NCOA1: variants seen among roughly 807,000 people sequenced by gnomAD.
The protein encoded by NCOA1 is Hin-2 protein.
In NCOA1, 35 loss-of-function variants were observed where a neutral mutation model predicts 150.9. That is an observed-to-expected ratio of 0.23 (90% CI 0.18 to 0.31). The LOEUF (loss-of-function observed/expected upper bound fraction) is 0.31, where lower values mean the gene tolerates loss of function less well. Among genes scored for constraint, NCOA1 ranks in the 10% least tolerant of loss-of-function variants. The pLI, the probability that NCOA1 is intolerant of heterozygous loss-of-function variation, is 1.00. For synonymous variants in NCOA1, 590 were observed against 630.0 expected (o/e 0.94, Z 0.95); for missense variants, 1,491 against 1,749.3 (o/e 0.85, Z 2.63).
intron 17 of NCOA1, among the ~76,000 whole-genome samples, chr2:24,731,464 A>G (rs1663006219): frequency 6.6e-6 from 1 of 152,210 alleles, no homozygotes; most frequent in East Asian, 1.9e-4. Flanking sequence ...GATAAATATT[A>G]GCTATTACTA....
intron 3 of NCOA1, among the ~76,000 whole-genome samples, chr2:24,642,043 C>CGCGT (rs1466622355): frequency 8.8e-4 from 80 of 90,558 alleles, no homozygotes; most frequent in African/African-American, 3.3e-3. Flanking sequence ...TGTGTGCGCG[C>CGCGT]GTGCGTATGT....
At chr2:24,568,038 C>T (rs1666585669) in intron 2 of NCOA1, among the ~76,000 whole-genome samples, 1 of 152,210 alleles carries the variant, frequency 6.6e-6, no homozygotes, top group African/African-American at 2.4e-5. Context: ...GCCACTGCAC[C>T]TGGCCATTTA....
chr2:24,547,969 A>C (rs1665668730), intron 1 of NCOA1, among the ~76,000 whole-genome samples: 1 of 138,834 alleles, frequency 7.2e-6, no homozygotes, highest in African/African-American at 2.7e-5. Context: ...AGCCTGGGCA[A>C]CAGAGTGAGA....
At chr2:24,756,942 A>G (rs147406286) in intron 20 of NCOA1, among the ~76,000 whole-genome samples, 49 of 152,326 alleles carry the variant, frequency 3.2e-4, no homozygotes, top group African/African-American at 1.1e-3. Context: ...CTGCTTATGT[A>G]TTTTGCTTCC....
At chr2:24,516,912 A>ATG (rs574909901) in intron 1 of NCOA1, among the ~76,000 whole-genome samples, 21 of 133,818 alleles carry the variant, frequency 1.6e-4, no homozygotes, top group Admixed American at 5.3e-4. Flanking sequence ...ATATATGTGC[A>ATG]TGTGTGTGTG....
intron 1 of NCOA1, among the ~76,000 whole-genome samples, chr2:24,563,152 G>C (rs1477307001): frequency 6.6e-6 from 1 of 152,226 alleles, no homozygotes; most frequent in Non-Finnish European, 1.5e-5. Flanking sequence ...TGAGAATGTA[G>C]AGATGATTTG....
chr2:24,748,716 TAAAC>T (rs767836543), intron 19 of NCOA1, among the ~76,000 whole-genome samples: 64 of 149,452 alleles, frequency 4.3e-4, no homozygotes, highest in Non-Finnish European at 5.9e-4. Flanking sequence ...TTTAACCAAA[TAAAC>T]CAAGTAAAAA....
At chr2:24,694,992 G>T (rs1672833648) in intron 10 of NCOA1, among the ~76,000 whole-genome samples, 1 of 152,056 alleles carries the variant, frequency 6.6e-6, no homozygotes, top group Non-Finnish European at 1.5e-5. Context: ...AAAGGTTATT[G>T]TCAGGTCACA....
intron 3 of NCOA1, among the ~76,000 whole-genome samples, chr2:24,629,218 T>C (rs1669565390): frequency 6.6e-6 from 1 of 152,174 alleles, no homozygotes; most frequent in Non-Finnish European, 1.5e-5. Context: ...GAATAGTTTG[T>C]CTTCAAAATA....
intron 2 of NCOA1, among the ~76,000 whole-genome samples, chr2:24,575,962 A>C (rs1666937271): frequency 6.6e-6 from 1 of 151,994 alleles, no homozygotes; most frequent in African/African-American, 2.4e-5. Flanking sequence ...TTTTGTTTTA[A>C]GGAGGCTTTG....
intron 1 of NCOA1, among the ~76,000 whole-genome samples, chr2:24,540,460 CTT>C (rs781276405): frequency 3.7e-5 from 5 of 136,400 alleles, no homozygotes; most frequent in Non-Finnish European, 6.4e-5. Flanking sequence ...GGAGAACTGG[CTT>C]TTTTTTTTTT....
chr2:24,625,310 G>A (rs1371141156), intron 3 of NCOA1, among the ~76,000 whole-genome samples: 1 of 143,988 alleles, frequency 6.9e-6, no homozygotes, highest in African/African-American at 2.6e-5. Context: ...GAGTAGCAGT[G>A]AGCCGAGATT....
At chr2:24,575,357 A>G (rs939838333) in intron 2 of NCOA1, among the ~76,000 whole-genome samples, 8 of 152,032 alleles carry the variant, frequency 5.3e-5, no homozygotes, top group Non-Finnish European at 5.9e-5. Flanking sequence ...CAACACTTCC[A>G]TATCTTTTTC....
chr2:24,649,640 T>G (rs1670625754), intron 4 of NCOA1, among the ~76,000 whole-genome samples: 1 of 152,242 alleles, frequency 6.6e-6, no homozygotes, highest in African/African-American at 2.4e-5. Context: ...GGCAAATGTT[T>G]ATTCTTCATC....
intron 9 of NCOA1, among the ~76,000 whole-genome samples, chr2:24,692,570 A>G (rs898528465): frequency 7.9e-5 from 12 of 152,354 alleles, no homozygotes; most frequent in Non-Finnish European, 4.4e-5. Flanking sequence ...CTTTTTAGCC[A>G]TTAAGTACTG....
At chr2:24,561,159 G>GAC (rs1666278747) in intron 1 of NCOA1, among the ~76,000 whole-genome samples, 1 of 152,146 alleles carries the variant, frequency 6.6e-6, no homozygotes, top group Non-Finnish European at 1.5e-5. Flanking sequence ...GACTGTATTT[G>GAC]TAGGTAAATG....
At chr2:24,604,277 C>T (rs546016066) in intron 3 of NCOA1, among the ~76,000 whole-genome samples, 16 of 152,284 alleles carry the variant, frequency 1.1e-4, no homozygotes, top group Non-Finnish European at 2.1e-4. Flanking sequence ...AGTCACTGTG[C>T]ACTGTCTTTA....
intron 1 of NCOA1, among the ~76,000 whole-genome samples, chr2:24,519,154 C>G (rs1664320635): frequency 6.6e-6 from 1 of 152,112 alleles, no homozygotes; most frequent in Non-Finnish European, 1.5e-5. Flanking sequence ...AATAGAAAGT[C>G]TGGAATAGAT....
chr2:24,555,695 A>G (rs1666042043), intron 1 of NCOA1, among the ~76,000 whole-genome samples: 1 of 152,160 alleles, frequency 6.6e-6, no homozygotes, highest in South Asian at 2.1e-4. Flanking sequence ...ATTCTTTGTA[A>G]TTACATAGTG....
Sources: allele counts gnomAD v4.1 joint callset (sites outside exome capture counted in the v4.1 genomes callset), GRCh38; gene constraint gnomAD v4.1.1; transcripts MANE v1.5; gene names NCBI Gene and HGNC (gene_info 2026-07-23, HGNC 2026-07-21).